The following KCNN3 variants were observed in gnomAD, a reference collection of about 807,000 sequenced individuals.
The protein encoded by KCNN3 is small conductance calcium-activated potassium channel protein 3.
KCNN3 carries 16 observed loss-of-function variants against 62.9 expected under a neutral mutation model. The ratio of observed to expected loss-of-function variants is 0.25; its 90% confidence interval spans 0.17 to 0.39. The LOEUF (loss-of-function observed/expected upper bound fraction) is 0.39, where lower values mean the gene tolerates loss of function less well. Among genes scored for constraint, KCNN3 ranks in the 10% least tolerant of loss-of-function variants. The pLI is 1.00. For missense variants in KCNN3, 599 were observed against 949.4 expected, an observed-to-expected ratio of 0.63 and a Z score of 4.85; for synonymous variants, 370 against 389.2, an observed-to-expected ratio of 0.95 and a Z score of 0.58.
chr1:154,713,556 G>A (rs372358646), intron 6 of KCNN3, 23 bp from the exon 7 acceptor site: 1 of 1,603,642 alleles, frequency 6.2e-7, no homozygotes, highest in African/African-American at 1.3e-5. Context: ...ATGGTAACAG[G>A]CAAGCCCTTC....
intron 4 of KCNN3, 101 bp downstream of exon 4, chr1:154,732,902 C>T (rs555775181): frequency 5.9e-5 from 79 of 1,342,362 alleles, no homozygotes; most frequent in Non-Finnish European, 7.9e-5. Flanking sequence ...TAACAGCCAC[C>T]CCCCGCTCTG....
At chr1:154,760,983 A>G (rs1469439137) in intron 3 of KCNN3, among the ~76,000 whole-genome samples, 1 of 152,260 alleles carries the variant, frequency 6.6e-6, no homozygotes, top group Non-Finnish European at 1.5e-5. Context: ...AATTATGTGT[A>G]AAAACTGAGC....
At chr1:154,779,131 G>A (rs1648918314) in intron 2 of KCNN3, among the ~76,000 whole-genome samples, 1 of 152,060 alleles carries the variant, frequency 6.6e-6, no homozygotes, top group Non-Finnish European at 1.5e-5. Context: ...GCTCACCCAA[G>A]GTGAGACCAG....
In KCNN3 at chr1:154,700,713, G is replaced by C. The variant is rs1042188342; in HGVS notation, c.*7263C>G. ...AGCTACTCGGGAGGCTGAGGCAGGA[G>C]AATTGCATGAACCCAGGAGGCAGAG... On this transcript the variant is annotated 3_prime_UTR_variant, in exon 8 of 8. Transcript: ENST00000271915. 6.6e-6 allele frequency: 1 copy of C among 152,150 alleles called. No individual in the cohort carries two copies. The highest frequency in any genetic ancestry group is 6.5e-5 in the Admixed American group (1 of 15,276). 9.4% of individuals were successfully genotyped at this position (152,150 alleles called of 1,614,324 possible). A position where few individuals can be genotyped will look rare whatever the true frequency, so the allele number is the denominator to read the frequency against.
At chr1:154,722,457 G>A (rs1049382924) in intron 5 of KCNN3, among the ~76,000 whole-genome samples, 2 of 148,638 alleles carry the variant, frequency 1.3e-5, no homozygotes, top group Admixed American at 6.8e-5. Flanking sequence ...GCACGATCTC[G>A]GCTCACTGCA....
At chr1:154,844,169 C>T (rs893027239) in intron 1 of KCNN3, among the ~76,000 whole-genome samples, 3 of 152,242 alleles carry the variant, frequency 2.0e-5, no homozygotes, top group Admixed American at 2.0e-4. Flanking sequence ...CAACCCTCCT[C>T]CAGCCCCTCC....
chr1:154,810,015 G>A (rs528658396), intron 2 of KCNN3, among the ~76,000 whole-genome samples: 58 of 152,344 alleles, frequency 3.8e-4, no homozygotes, highest in African/African-American at 1.4e-3. Context: ...GGACCAAGCA[G>A]ATCCTGTTCA....
intron 3 of KCNN3, among the ~76,000 whole-genome samples, chr1:154,735,820 C>A (rs1226099543): frequency 6.6e-6 from 1 of 152,220 alleles, no homozygotes; most frequent in Non-Finnish European, 1.5e-5. Context: ...TCCTCAGGCC[C>A]TGTGCTGAGG....
At chr1:154,715,067 TG>T in intron 5 of KCNN3, 64 bp from the exon 6 acceptor site, 1 of 1,590,206 alleles carries the variant, frequency 6.3e-7, no homozygotes, top group African/African-American at 1.3e-5. Flanking sequence ...TTTTTGTGGT[TG>T]CTACTGTAGT....
At chr1:154,807,996 G>A (rs1170930317) in intron 2 of KCNN3, among the ~76,000 whole-genome samples, 1 of 151,994 alleles carries the variant, frequency 6.6e-6, no homozygotes, top group Non-Finnish European at 1.5e-5. Flanking sequence ...GATTGAGGGG[G>A]GTTCAACCTG....
intron 3 of KCNN3, among the ~76,000 whole-genome samples, chr1:154,770,213 C>A (rs902580239): frequency 5.9e-5 from 9 of 152,222 alleles, no homozygotes; most frequent in Admixed American, 2.6e-4. Flanking sequence ...GTCCCTGGGG[C>A]TCTGTGTGTG....
At chr1:154,755,422 T>C (rs1647594018) in intron 3 of KCNN3, among the ~76,000 whole-genome samples, 2 of 144,824 alleles carry the variant, frequency 1.4e-5, no homozygotes, top group African/African-American at 5.1e-5. Flanking sequence ...TGAGCTGTCA[T>C]CATGCTATTG....
intron 2 of KCNN3, among the ~76,000 whole-genome samples, 181 bp downstream of exon 2, chr1:154,821,908 C>T (rs116831881): frequency 0.027 from 4,148 of 152,308 alleles, 82 homozygotes; most frequent in Middle Eastern, 0.071. Flanking sequence ...AGGGCGGCCT[C>T]GCAGTTTCCT....
rs528854650 is a variant in KCNN3 at position 154,722,737 on chromosome 1, T to A, written c.1701+3179A>T. 9.5e-5 allele frequency among the ~76,000 whole-genome samples: 14 copies of A among 146,758 alleles called. No individual in the cohort carries two copies. In the South Asian group the frequency reaches 3.0e-3, roughly 32 times the overall value. On this transcript the variant is annotated intron_variant, in intron 5 of 7. Transcript: ENST00000271915. Reference sequence around the variant, plus strand: ...TCTGAGAGTGAGTATTTCTTTTTTTTTTTTTCTTTTTTTTGACAGAGTCTT... The same window carrying A: ...TCTGAGAGTGAGTATTTCTTTTTTTATTTTTCTTTTTTTTGACAGAGTCTT...
chr1:154,827,598 A>G (rs1651191503), intron 1 of KCNN3, among the ~76,000 whole-genome samples: 1 of 152,214 alleles, frequency 6.6e-6, no homozygotes, highest in South Asian at 2.1e-4. Flanking sequence ...CGGGAGCTCA[A>G]GACCGGCCTG....
intron 1 of KCNN3, among the ~76,000 whole-genome samples, chr1:154,822,762 A>G (rs10908442): frequency 0.31 from 47,187 of 152,048 alleles, 7,744 homozygotes; most frequent in East Asian, 0.47. Context: ...GAGAGAAGCC[A>G]GGAAGCACAG....
rs1340702276 is a variant in KCNN3 at position 154,728,040 on chromosome 1, T to C, written c.1591-2014A>G. ...ATCATCCCTGAAAGCTGGGGTCCAATAGGCCTGAAGAGGGAGCTTCCCTGT... is the reference window on the plus strand; with the variant it reads ...ATCATCCCTGAAAGCTGGGGTCCAACAGGCCTGAAGAGGGAGCTTCCCTGT... On this transcript the variant is annotated intron_variant, in intron 4 of 7. Coordinates refer to ENST00000271915, the MANE Select transcript of KCNN3 (RefSeq NM_002249.6). Among the ~76,000 whole-genome samples the C allele has an allele frequency of 2.0e-5, 3 of 152,196 alleles. No homozygotes were observed. The East Asian group carries it at 5.8e-4, about 29-fold the overall frequency.
intron 5 of KCNN3, among the ~76,000 whole-genome samples, chr1:154,717,782 G>A (rs998002005): frequency 1.6e-4 from 24 of 152,240 alleles, no homozygotes; most frequent in African/African-American, 5.5e-4. Context: ...TTAATTACCA[G>A]CAAACAGCCT....
chr1:154,767,065 T>C (rs763424091), intron 3 of KCNN3, among the ~76,000 whole-genome samples: 6 of 151,974 alleles, frequency 3.9e-5, no homozygotes, highest in Non-Finnish European at 7.4e-5. Context: ...AGGAGGGAGC[T>C]GTGGTCTTGC....
Sources: gnomAD v4.1 joint callset for allele counts (sites outside exome capture counted in the v4.1 genomes callset) on GRCh38, gnomAD v4.1.1 for gene constraint, MANE v1.5 for transcripts, NCBI Gene and HGNC (gene_info 2026-07-23, HGNC 2026-07-21) for gene names.